Variants in TET2 observed in about 807,000 individuals in gnomAD.
TET2 encodes tet methylcytosine dioxygenase 2.
Under a neutral mutation model 142.9 loss-of-function variants are expected in TET2, and 299 were observed. The ratio of observed to expected loss-of-function variants is 2.09; its 90% CI spans 1.90 to 2.30. TET2 has a LOEUF of 2.30. Among genes scored for constraint, TET2 ranks in the 30% most tolerant of loss-of-function variants. The probability of loss-of-function intolerance (pLI) is 0.00; values close to 1 mark genes in which losing one functional copy is unlikely to be tolerated. For synonymous variants in TET2, 819 were observed against 849.0 expected (o/e 0.96, Z 0.61); for missense variants, 2,418 against 2,378.0 (o/e 1.02, Z -0.35).
chr4:105,234,392 T>TTTCTTATC lies in TET2; in HGVS notation c.450_451insTTCTTATC (p.Val151PhefsTer4). 1 of 1,614,084 alleles carries TTTCTTATC rather than the reference T, an allele frequency of 6.2e-7. No homozygotes were observed. Among genetic ancestry groups the TTTCTTATC allele is most frequent in the Non-Finnish European group, 8.5e-7 (1 of 1,180,016 alleles). On this transcript the variant is annotated frameshift_variant, in exon 3 of 11. Transcript: ENST00000380013. LOFTEE classifies it high-confidence loss of function. Reference sequence around the variant, plus strand: ...CCGATTTGAGTGATAAGAAAGAATCTGTGAGTTCTGTAGCCCAAGAAAATG... The same window carrying TTTCTTATC: ...CCGATTTGAGTGATAAGAAAGAATCTTTCTTATCGTGAGTTCTGTAGCCCAAGAAAATG...
intron 1 of TET2, among the ~76,000 whole-genome samples, chr4:105,152,397 T>G (rs1723348094): frequency 6.6e-6 from 1 of 152,136 alleles, no homozygotes; most frequent in Non-Finnish European, 1.5e-5. Context: ...ACTACAAATG[T>G]TTCTTTCAAA....
chr4:105,275,810 G>T lies in TET2; in HGVS notation c.5300G>T (p.Ser1767Ile), dbSNP rs185223849. 1.6e-5 allele frequency: 25 copies of T among 1,551,544 alleles called. No homozygotes were observed. Among genetic ancestry groups the T allele is most frequent in the Middle Eastern group, 3.3e-4 (2 of 6,014 alleles). Residue 1767 changes from serine to isoleucine, a missense_variant, in exon 11 of 11, where the codon AGT (serine) becomes ATT (isoleucine). Physicochemically the swap from Ser to Ile is moderately radical, Grantham distance 142. Coordinates refer to ENST00000380013, the MANE Select transcript of TET2 (RefSeq NM_001127208.3). ...HSPSHIIHNY[S>I]AAPGMFNSSL... ...CCTTCTCACATAATCCATAACTACA[G>T]TGCAGCTCCGGGCATGTTCAACAGC... is the stretch of plus-strand genomic sequence containing the variant.
intron 1 of TET2, among the ~76,000 whole-genome samples, chr4:105,170,583 C>T (rs895962426): frequency 1.3e-5 from 2 of 152,072 alleles, no homozygotes; most frequent in African/African-American, 4.8e-5. Context: ...CTGATTTATC[C>T]TCATTGGAAA....
chr4:105,152,783 G>A (rs1421236317), intron 1 of TET2, among the ~76,000 whole-genome samples: 1 of 151,936 alleles, frequency 6.6e-6, no homozygotes, highest in African/African-American at 2.4e-5. Flanking sequence ...TTTTATTAGA[G>A]ACAGGGTTTC....
chr4:105,237,999 G>A (rs982988952), intron 3 of TET2: 14 of 888,060 alleles, frequency 1.6e-5, no homozygotes, highest in Non-Finnish European at 1.8e-5. Context: ...CAGAGATATT[G>A]TGGGTTTGGC....
At chr4:105,264,602 A>G (rs896636806) in intron 8 of TET2, among the ~76,000 whole-genome samples, 1 of 152,220 alleles carries the variant, frequency 6.6e-6, no homozygotes, top group Admixed American at 6.5e-5. Context: ...TTTATATATG[A>G]AAATGTGTTG....
In TET2 at chr4:105,190,461, C is replaced by T; in HGVS notation, c.-91C>T. 1.4e-6 allele frequency: 1 copy of T among 701,936 alleles called. No individual in the cohort carries two copies. Among genetic ancestry groups the T allele is most frequent in the Non-Finnish European group, 2.6e-6 (1 of 384,678 alleles). 43.5% of individuals were successfully genotyped at this position (701,936 alleles called of 1,614,324 possible). A position where few individuals can be genotyped will look rare whatever the true frequency, so the allele number is the denominator to read the frequency against. ...AGCAGGAGATGGGCTCAGCAGCAGC[C>T]AATAGGACATGATCCAGGAAGAGCA... On this transcript the variant is annotated 5_prime_UTR_variant, in exon 2 of 11. Transcript: ENST00000380013.
chr4:105,269,470 T>G, intron 8 of TET2, 140 bp from the exon 9 acceptor site: 1 of 854,892 alleles, frequency 1.2e-6, no homozygotes, highest in Non-Finnish European at 1.8e-6. Flanking sequence ...CTCTATTTTG[T>G]GTCATTCCAT....
Position 105,234,411 on chromosome 4 carries a change from GA to G in TET2, c.473del (p.Asn158MetfsTer25). On this transcript the variant is annotated frameshift_variant, in exon 3 of 11. Coordinates refer to ENST00000380013, the MANE Select transcript of TET2 (RefSeq NM_001127208.3). LOFTEE classifies it high-confidence loss of function. ...KKESVSSVAQ[E>X]NAVKDFTSFS... is the part of the protein sequence containing the mutation. ...AGAATCTGTGAGTTCTGTAGCCCAAGAAAATGCAGTTAAAGATTTCACCAGT... is the reference window on the plus strand; with the variant it reads ...AGAATCTGTGAGTTCTGTAGCCCAAGAAATGCAGTTAAAGATTTCACCAGT... 6.2e-7 allele frequency: 1 copy of G among 1,614,014 alleles called. No homozygotes were observed. The highest frequency in any genetic ancestry group is 8.5e-7 in the Non-Finnish European group (1 of 1,180,008).
At chr4:105,262,018 C>T (rs1434563054) in intron 8 of TET2, among the ~76,000 whole-genome samples, 170 bp downstream of exon 8, 1 of 152,082 alleles carries the variant, frequency 6.6e-6, no homozygotes, top group East Asian at 1.9e-4. Flanking sequence ...TTATACCATA[C>T]AAAAGTACAT....
chr4:105,186,764 G>A (rs909010087), intron 1 of TET2, among the ~76,000 whole-genome samples: 12 of 152,104 alleles, frequency 7.9e-5, no homozygotes, highest in East Asian at 7.7e-4. Flanking sequence ...GAGCCACCGC[G>A]GCCTGGCTTC....
intron 1 of TET2, among the ~76,000 whole-genome samples, chr4:105,157,670 T>C (rs1723634945): frequency 6.6e-6 from 1 of 152,086 alleles, no homozygotes; most frequent in South Asian, 2.1e-4. Flanking sequence ...ACTAAAAATT[T>C]TTATTTATTT....
Position 105,278,167 on chromosome 4 carries a change from T to TATAA in TET2, c.*1651_*1652insAATA. 1 of 123,526 alleles carries TATAA rather than the reference T, an allele frequency of 8.1e-6. No homozygotes were observed. Among genetic ancestry groups the TATAA allele is most frequent in the East Asian group, 1.2e-4 (1 of 8,366 alleles). 7.7% of individuals were successfully genotyped at this position (123,526 alleles called of 1,614,324 possible). A position where few individuals can be genotyped will look rare whatever the true frequency, so the allele number is the denominator to read the frequency against. On this transcript the variant is annotated 3_prime_UTR_variant, in exon 11 of 11. Transcript: ENST00000380013. ...TTTAGTACTGTAAAAAAATTAAATATATACATATATATATATATATATATA... is the reference window on the plus strand; with the variant it reads ...TTTAGTACTGTAAAAAAATTAAATATATAAATACATATATATATATATATATATA...
chr4:105,265,075 A>G (rs908043415), intron 8 of TET2, among the ~76,000 whole-genome samples: 3 of 152,176 alleles, frequency 2.0e-5, no homozygotes, highest in African/African-American at 7.2e-5. Flanking sequence ...CTGCCTTACA[A>G]TTTAACAGTA....
chr4:105,236,051 GAATC>G lies in TET2; in HGVS notation c.2112_2115del (p.Gln705ArgfsTer45). ...TGTCCCCAGTGTTGAAACAGCACTTGAATCAACAGGCTTCAGAGACTGAGCCATT... is the reference window on the plus strand; with the variant it reads ...TGTCCCCAGTGTTGAAACAGCACTTGAACAGGCTTCAGAGACTGAGCCATT... On this transcript the variant is annotated frameshift_variant, in exon 3 of 11. Coordinates refer to ENST00000380013, the MANE Select transcript of TET2 (RefSeq NM_001127208.3). LOFTEE classifies it high-confidence loss of function. 6.2e-7 allele frequency: 1 copy of G among 1,614,112 alleles called. No individual in the cohort carries two copies. The highest frequency in any genetic ancestry group is 8.5e-7 in the Non-Finnish European group (1 of 1,180,010).
At chr4:105,181,611 C>T (rs990023229) in intron 1 of TET2, among the ~76,000 whole-genome samples, 3 of 152,152 alleles carry the variant, frequency 2.0e-5, no homozygotes, top group Non-Finnish European at 2.9e-5. Context: ...GTACAATCTC[C>T]TACATCTGTA....
chr4:105,249,411 G>A (rs560351079), intron 6 of TET2, among the ~76,000 whole-genome samples: 7 of 152,232 alleles, frequency 4.6e-5, no homozygotes, highest in East Asian at 1.9e-4. Flanking sequence ...AATGAACATC[G>A]GTGTACAAGT....
Position 105,236,953 on chromosome 4 carries a change from A to G in TET2, c.3011A>G (p.Lys1004Arg). The change falls in exon 3 of 11, where the codon AAA becomes AGA. Residue 1004 changes from lysine (K) to arginine (R), a missense_variant. Coordinates refer to ENST00000380013, the MANE Select transcript of TET2 (RefSeq NM_001127208.3). Reference sequence around the variant, plus strand: ...GCACCACCAGAAAACAAAACATGGAAAAAGGTAACTAAGCAAGAGAATCCA... The same window carrying G: ...GCACCACCAGAAAACAAAACATGGAGAAAGGTAACTAAGCAAGAGAATCCA... ...HTAPPENKTW[K>R]KVTKQENPPA... 6 of 1,614,150 alleles carry G rather than the reference A, an allele frequency of 3.7e-6. No homozygotes were observed. The highest frequency in any genetic ancestry group is 5.1e-6 in the Non-Finnish European group (6 of 1,180,026).
At chr4:105,154,114 T>A (rs1194493266) in intron 1 of TET2, among the ~76,000 whole-genome samples, 2 of 152,224 alleles carry the variant, frequency 1.3e-5, no homozygotes, top group African/African-American at 4.8e-5. Context: ...GTTGGCTAGT[T>A]ATTACTAGGG....
Sources: gnomAD v4.1 joint callset for allele counts (sites outside exome capture counted in the v4.1 genomes callset) on GRCh38, gnomAD v4.1.1 for gene constraint, MANE v1.5 for transcripts, NCBI Gene and HGNC (gene_info 2026-07-23, HGNC 2026-07-21) for gene names.